The following MTHFD1L variants were observed in gnomAD, a reference collection of about 807,000 sequenced individuals.
The protein encoded by MTHFD1L is monofunctional C1-tetrahydrofolate synthase, mitochondrial.
In MTHFD1L, 81 loss-of-function variants were observed where a neutral mutation model predicts 119.5. That is an observed-to-expected ratio of 0.68 (90% CI 0.57 to 0.82). MTHFD1L has a LOEUF of 0.82. Among genes scored for constraint, MTHFD1L ranks in the 40% least tolerant of loss-of-function variants. The pLI, the probability that MTHFD1L is intolerant of heterozygous loss-of-function variation, is 0.00. For synonymous variants in MTHFD1L, 430 were observed against 475.2 expected (o/e 0.90, Z 1.24); for missense variants, 1,125 against 1,253.4 (o/e 0.90, Z 1.55).
rs773244330 is a variant in MTHFD1L at position 151,092,485 on chromosome 6, C to A, written c.2866C>A (p.Leu956Met). 3.2e-5 allele frequency: 51 copies of A among 1,613,958 alleles called. No homozygotes were observed. Among genetic ancestry groups the A allele is most frequent in the Non-Finnish European group, 4.0e-5 (47 of 1,179,976 alleles). Residue 956 changes from leucine (L) to methionine (M), a missense_variant, in exon 27 of 28, where the codon CTG (leucine) becomes ATG (methionine). Leu to Met is a conservative substitution (Grantham distance 15, BLOSUM62 2). Transcript: ENST00000367321. ...CCCCCAGATGAGCACCATGCCAGGACTGCCCACCCGGCCCTGCTTTTATGA... is the reference window on the plus strand; with the variant it reads ...CCCCCAGATGAGCACCATGCCAGGAATGCCCACCCGGCCCTGCTTTTATGA... The part of the protein sequence containing the change: ...LVGTMSTMPG[L>M]PTRPCFYDID...
At chr6:151,089,244 A>C (rs756922002) in intron 26 of MTHFD1L, among the ~76,000 whole-genome samples, 4 of 152,200 alleles carry the variant, frequency 2.6e-5, no homozygotes, top group African/African-American at 9.6e-5. Flanking sequence ...TCTTTTTCTT[A>C]AACTATAAAA....
chr6:150,980,709 C>CT (rs1357911886), intron 20 of MTHFD1L, among the ~76,000 whole-genome samples: 1 of 86,498 alleles, frequency 1.2e-5, no homozygotes. Flanking sequence ...GACCCTGTCT[C>CT]TAAAAAAAAA....
At chr6:150,978,904 T>C (rs1270425813) in intron 20 of MTHFD1L, among the ~76,000 whole-genome samples, 1 of 152,128 alleles carries the variant, frequency 6.6e-6, no homozygotes, top group Admixed American at 6.5e-5. Context: ...TGCTCAGTGT[T>C]TTTCTCAATG....
At chr6:150,897,844 TA>T (rs975119098) in intron 7 of MTHFD1L, among the ~76,000 whole-genome samples, 12 of 151,556 alleles carry the variant, frequency 7.9e-5, no homozygotes, top group South Asian at 2.1e-4. Context: ...AATTAGAATT[TA>T]AAAAAAAAAT....
At chr6:150,990,496 C>G (rs1279508913) in intron 20 of MTHFD1L, among the ~76,000 whole-genome samples, 1 of 151,848 alleles carries the variant, frequency 6.6e-6, no homozygotes, top group African/African-American at 2.4e-5. Context: ...TTTCACTCTT[C>G]TTGCCCAGGC....
intron 26 of MTHFD1L, among the ~76,000 whole-genome samples, chr6:151,074,138 T>C (rs1458792893): frequency 6.6e-6 from 1 of 152,206 alleles, no homozygotes; most frequent in Non-Finnish European, 1.5e-5. Context: ...CTGGTTAAAA[T>C]ATCTTTCCAA....
chr6:151,031,601 G>A (rs1233403828), intron 24 of MTHFD1L, among the ~76,000 whole-genome samples: 1 of 152,210 alleles, frequency 6.6e-6, no homozygotes, highest in Non-Finnish European at 1.5e-5. Flanking sequence ...CTAATCTTTT[G>A]ACTTTATAAA....
chr6:151,082,010 C>G (rs1204691262), intron 26 of MTHFD1L, among the ~76,000 whole-genome samples: 1 of 152,168 alleles, frequency 6.6e-6, no homozygotes, highest in Non-Finnish European at 1.5e-5. Flanking sequence ...ACATAAAACC[C>G]AGCCCACAAC....
rs1179470114 is a variant in MTHFD1L at position 150,877,666 on chromosome 6, C to T, written c.345C>T (p.Asn115=). ...ACGACAACTTGATGCAGGAAATCAA[C>T]CAGAATTTGGCTGAGGAGGTGAGGA... is the stretch of plus-strand genomic sequence containing the variant. The part of the protein sequence containing the change: ...AGDDNLMQEI[N]QNLAEEAGLN... Residue 115 remains asparagine (N), a synonymous_variant, in exon 3 of 28, where the codon AAC becomes AAT. Coordinates refer to ENST00000367321, the MANE Select transcript of MTHFD1L (RefSeq NM_015440.5). 6.2e-7 allele frequency: 1 copy of T among 1,614,192 alleles called. No individual in the cohort carries two copies. The highest frequency in any genetic ancestry group is 1.1e-5 in the South Asian group (1 of 91,090).
rs1191459991 is a variant in MTHFD1L, at chr6:151,056,622, C to A, written c.2847+19505C>A. On this transcript the variant is annotated intron_variant, in intron 26 of 27. Coordinates refer to ENST00000367321, the MANE Select transcript of MTHFD1L (RefSeq NM_015440.5). ...TTCTATAACGTCGTGTTCTTGTCAC[C>A]TTTTGAGGGACACTGGTGCTGTGGG... Among the ~76,000 whole-genome samples the A allele has an allele frequency of 3.9e-5, 6 of 152,262 alleles. No individual in the cohort carries two copies. In the East Asian group the frequency reaches 1.2e-3, roughly 29 times the overall value.
chr6:150,898,535 C>T (rs535931697), intron 7 of MTHFD1L, among the ~76,000 whole-genome samples: 11 of 152,304 alleles, frequency 7.2e-5, no homozygotes, highest in East Asian at 5.8e-4. Flanking sequence ...TCCCCTGCAA[C>T]GGCAGTTTGC....
At chr6:150,909,849 A>C (rs1277820595) in intron 8 of MTHFD1L, among the ~76,000 whole-genome samples, 1 of 152,154 alleles carries the variant, frequency 6.6e-6, no homozygotes, top group Non-Finnish European at 1.5e-5. Context: ...AGGGACCTTG[A>C]GACTTTCTCT....
At chr6:150,877,728 A>G (rs1780681038) in intron 3 of MTHFD1L, 44 bp downstream of exon 3, 3 of 1,614,064 alleles carry the variant, frequency 1.9e-6, no homozygotes, top group South Asian at 2.2e-5. Flanking sequence ...ACTTTTAACA[A>G]TACATTCTCT....
chr6:151,013,453 A>C (rs1048656949), intron 21 of MTHFD1L, among the ~76,000 whole-genome samples: 1 of 152,228 alleles, frequency 6.6e-6, no homozygotes, highest in African/African-American at 2.4e-5. Flanking sequence ...TTTATGTTCT[A>C]ATTTGAACCA....
intron 20 of MTHFD1L, among the ~76,000 whole-genome samples, chr6:150,991,428 A>T (rs1448383787): frequency 6.6e-6 from 1 of 152,270 alleles, no homozygotes; most frequent in African/African-American, 2.4e-5. Context: ...ATATGGAATG[A>T]AGAGATATAG....
intron 17 of MTHFD1L, chr6:150,959,009 TA>T (rs1236971443): frequency 6.0e-6 from 1 of 165,718 alleles, no homozygotes; most frequent in Non-Finnish European, 1.2e-5. Context: ...AAAATCTCCA[TA>T]TTTTTTAGTC....
At chr6:151,029,594 T>C (rs1224644518) in intron 24 of MTHFD1L, among the ~76,000 whole-genome samples, 2 of 151,672 alleles carry the variant, frequency 1.3e-5, no homozygotes, top group African/African-American at 4.8e-5. Flanking sequence ...GTCAGGAGTT[T>C]GAGACCAGCC....
At chr6:150,961,089 C>CTTTTTTTT (rs35978918) in intron 18 of MTHFD1L, among the ~76,000 whole-genome samples, 11 of 113,410 alleles carry the variant, frequency 9.7e-5, no homozygotes, top group Non-Finnish European at 1.1e-4. Context: ...TTCCTGTTAA[C>CTTTTTTTT]TTTTTTTTTT....
intron 26 of MTHFD1L, among the ~76,000 whole-genome samples, chr6:151,092,118 C>G (rs1794500962): frequency 6.6e-6 from 1 of 152,144 alleles, no homozygotes; most frequent in South Asian, 2.1e-4. Flanking sequence ...CCCACACCTG[C>G]TGCCCCCTTC....
Sources: gnomAD v4.1 joint callset for allele counts (sites outside exome capture counted in the v4.1 genomes callset) on GRCh38, gnomAD v4.1.1 for gene constraint, MANE v1.5 for transcripts, NCBI Gene and HGNC (gene_info 2026-07-23, HGNC 2026-07-21) for gene names.